Variants in MAP3K11 observed in about 807,000 individuals in gnomAD.
The protein encoded by MAP3K11 is SH3 domain-containing proline-rich kinase.
MAP3K11 carries 46 observed loss-of-function variants against 84.9 expected under a neutral mutation model. The ratio of observed to expected loss-of-function variants is 0.54; its 90% CI spans 0.43 to 0.69. MAP3K11 has a LOEUF of 0.69. Among genes scored for constraint, MAP3K11 ranks in the 30% least tolerant of loss-of-function variants. The pLI, the probability that MAP3K11 is intolerant of heterozygous loss-of-function variation, is 0.00. For missense variants in MAP3K11, 1,053 were observed against 1,198.3 expected, an observed-to-expected ratio of 0.88 and a Z score of 1.79; for synonymous variants, 527 against 514.7, an observed-to-expected ratio of 1.02 and a Z score of -0.32.
Position 65,598,554 on chromosome 11 carries a change from G to A in MAP3K11, c.2281C>T (p.Leu761=). 3.1e-6 allele frequency: 5 copies of A among 1,609,002 alleles called. No individual in the cohort carries two copies. Among genetic ancestry groups the A allele is most frequent in the East Asian group, 2.2e-5 (1 of 44,744 alleles). ...GTPGTPRSPP[L]GLISRPRPSP... ...GGCCGAGGTCGGCTGATGAGGCCCA[G>A]GGGTGGTGAACGTGGGGTGCCTGGG... is the stretch of plus-strand genomic sequence containing the variant. Residue 761 remains leucine (L), a synonymous_variant, in exon 10 of 10, where the codon CTG becomes TTG. Transcript: ENST00000309100.
chr11:65,599,461 C>A lies in MAP3K11; in HGVS notation c.2139G>T (p.Leu713Phe), dbSNP rs778522527. 6.6e-7 allele frequency: 1 copy of A among 1,516,612 alleles called. No homozygotes were observed. Among genetic ancestry groups the A allele is most frequent in the South Asian group, 1.3e-5 (1 of 77,774 alleles). 93.9% of individuals were successfully genotyped at this position (1,516,612 alleles called of 1,614,324 possible). A position where few individuals can be genotyped will look rare whatever the true frequency, so the allele number is the denominator to read the frequency against. Residue 713 changes from leucine (L) to phenylalanine (F), a missense_variant, in exon 9 of 10, where the codon TTG becomes TTT. This residue lies in a region of MAP3K11 where 583 missense variants were observed against 566.6 expected (regional missense o/e 1.03). Transcript: ENST00000309100. ...PDSPPTPAPL[L>F]LDLGIPVGQR... ...GGCCCACAGGGATACCCAGGTCCAG[C>A]AACAGGGGTGCAGGAGTGGGCGGGG...
chr11:65,598,226 C>T lies in MAP3K11; in HGVS notation c.*65G>A, dbSNP rs374018444. ...GCAGCTGCAGAGGCTGACCCAGCTC[C>T]TGTTCCAGTGTATGCTGTGACTCCT... On this transcript the variant is annotated 3_prime_UTR_variant, in exon 10 of 10. Transcript: ENST00000309100. 332 of 1,301,440 alleles carry T rather than the reference C, an allele frequency of 2.6e-4. 11 individuals are homozygous for T. In the East Asian group the frequency reaches 3.4e-3, roughly 13 times the overall value. 80.6% of individuals were successfully genotyped at this position (1,301,440 alleles called of 1,614,324 possible).
intron 9 of MAP3K11, 111 bp from the exon 10 acceptor site, chr11:65,598,739 G>T: frequency 1.3e-6 from 1 of 748,162 alleles, no homozygotes; most frequent in Non-Finnish European, 2.0e-6. Flanking sequence ...TGACCTACTT[G>T]ACTCAACTTC....
In MAP3K11 at chr11:65,606,056, T is replaced by A. The variant is rs898048249; in HGVS notation, c.1629A>T (p.Ala543=). The change falls in exon 7 of 10, where the codon GCA becomes GCT. Residue 543 remains alanine (A), a synonymous_variant. Coordinates refer to ENST00000309100, the MANE Select transcript of MAP3K11 (RefSeq NM_002419.4). ...GACGTCGGGGGGACTGGCGGCCCCA[T>A]GCCTGGCCTGGCTCTGCAGGCTCCA... ...IQLEPAEPGQ[A]WGRQSPRRLE... 1 of 1,585,206 alleles carries A rather than the reference T, an allele frequency of 6.3e-7. No individual in the cohort carries two copies. Among genetic ancestry groups the A allele is most frequent in the Non-Finnish European group, 8.6e-7 (1 of 1,168,176 alleles).
At chr11:65,609,010 A>T (rs1289924359) in intron 1 of MAP3K11, 2 of 154,694 alleles carry the variant, frequency 1.3e-5, no homozygotes, top group African/African-American at 4.8e-5. Context: ...CAGGGAAATG[A>T]CTTGGCAGAG....
Position 65,598,554 on chromosome 11 carries a change from G to C in MAP3K11, c.2281C>G (p.Leu761Val). The C allele has an allele frequency of 6.2e-7, 1 of 1,609,002 alleles. No homozygotes were observed. Among genetic ancestry groups the C allele is most frequent in the Non-Finnish European group, 8.5e-7 (1 of 1,177,452 alleles). ...GTPGTPRSPP[L>V]GLISRPRPSP... is the part of the protein sequence containing the mutation. ...GGCCGAGGTCGGCTGATGAGGCCCA[G>C]GGGTGGTGAACGTGGGGTGCCTGGG... Residue 761 changes from leucine (L) to valine (V), a missense_variant, in exon 10 of 10, where the codon CTG becomes GTG. By Grantham distance (32) the Leu-to-Val change is conservative. Coordinates refer to ENST00000309100, the MANE Select transcript of MAP3K11 (RefSeq NM_002419.4).
At position 65,606,025 on chromosome 11, in the gene MAP3K11, C is replaced by T; in HGVS notation, c.1660G>A (p.Asp554Asn). 6.3e-7 allele frequency: 1 copy of T among 1,597,812 alleles called. No individual in the cohort carries two copies. The highest frequency in any genetic ancestry group is 1.1e-5 in the South Asian group (1 of 89,694). ...WGRQSPRRLE[D>N]SSNGERRACW... ...GCTCGCCGCTCTCCATTGCTTGAGT[C>T]CTCCAGACGTCGGGGGGACTGGCGG... Residue 554 changes from aspartate to asparagine, a missense_variant, in exon 7 of 10, where the codon GAC becomes AAC. By Grantham distance (23) the Asp-to-Asn change is conservative. Transcript: ENST00000309100.
Position 65,599,733 on chromosome 11 carries a change from G to A in MAP3K11, c.1867C>T (p.Pro623Ser). 1 of 1,590,120 alleles carries A rather than the reference G, an allele frequency of 6.3e-7. No homozygotes were observed. Among genetic ancestry groups the A allele is most frequent in the East Asian group, 2.2e-5 (1 of 44,474 alleles). ...PPRPSLEPEE[P>S]KRPVPAERGS... ...CGCTCTGCGGGGACAGGCCTCTTGGGCTCCTCGGGCTCCAGGCTAGGCCGC... is the reference window on the plus strand; with the variant it reads ...CGCTCTGCGGGGACAGGCCTCTTGGACTCCTCGGGCTCCAGGCTAGGCCGC... The change falls in exon 9 of 10, where the codon CCC (proline) becomes TCC (serine). Residue 623 changes from proline (P) to serine (S), a missense_variant. This residue lies in a region of MAP3K11 where 583 missense variants were observed against 566.6 expected (regional missense o/e 1.03). Coordinates refer to ENST00000309100, the MANE Select transcript of MAP3K11 (RefSeq NM_002419.4).
intron 6 of MAP3K11, 83 bp from the exon 7 acceptor site, chr11:65,606,164 G>A (rs1414942989): frequency 3.4e-5 from 48 of 1,425,604 alleles, no homozygotes; most frequent in Non-Finnish European, 4.4e-5. Context: ...AAACTTTAGA[G>A]TATGGGGAGC....
Position 65,601,315 on chromosome 11 carries a change from T to A in MAP3K11, c.1832-1547A>T, listed in dbSNP as rs570738119. Among the ~76,000 whole-genome samples the A allele has an allele frequency of 1.5e-4, 23 of 152,330 alleles. No homozygotes were observed. In the East Asian group the frequency reaches 2.1e-3, roughly 14 times the overall value. On this transcript the variant is annotated intron_variant, in intron 8 of 9. Coordinates refer to ENST00000309100, the MANE Select transcript of MAP3K11 (RefSeq NM_002419.4). Reference sequence around the variant, plus strand: ...ACCAACTGGGATGTCACTTCCTCTGTGAAGCCCTCCCAGAATCTCCCTGAA... The same window carrying A: ...ACCAACTGGGATGTCACTTCCTCTGAGAAGCCCTCCCAGAATCTCCCTGAA...
rs756174920 is a variant in MAP3K11, at chr11:65,613,626, G to A, written c.131C>T (p.Pro44Leu). The A allele has an allele frequency of 1.9e-6, 3 of 1,612,984 alleles. No homozygotes were observed. The highest frequency in any genetic ancestry group is 2.5e-6 in the Non-Finnish European group (3 of 1,179,992). ...GTAGTCGAACAGGGCTGTCCACACC[G>A]GGTTGGCATAACCCGCTGCCTTTGG... The part of the protein sequence containing the change: ...GSPKAAGYAN[P>L]VWTALFDYEP... Residue 44 changes from proline (P) to leucine (L), a missense_variant, in exon 1 of 10, where the codon CCG (proline) becomes CTG (leucine). By Grantham distance (98) the Pro-to-Leu change is moderately conservative. This residue lies in a region of MAP3K11 where 160 missense variants were observed against 167.3 expected (regional missense o/e 0.96). Coordinates refer to ENST00000309100, the MANE Select transcript of MAP3K11 (RefSeq NM_002419.4).
In MAP3K11 at chr11:65,613,323, G is replaced by A; in HGVS notation, c.434C>T (p.Ala145Val). The change falls in exon 1 of 10, where the codon GCA becomes GTA. Residue 145 changes from alanine to valine, a missense_variant. By Grantham distance (64) the Ala-to-Val change is moderately conservative. This residue lies in a region of MAP3K11 where 310 missense variants were observed against 464.5 expected (regional missense o/e 0.67). Transcript: ENST00000309100. ...GTCCTCATCGGGGTCCTGGCGAGCTGCCTTCACAGCCACCAGCTCACCTCG... is the reference window on the plus strand; with the variant it reads ...GTCCTCATCGGGGTCCTGGCGAGCTACCTTCACAGCCACCAGCTCACCTCG... ...SWRGELVAVK[A>V]ARQDPDEDIS... 6.2e-7 allele frequency: 1 copy of A among 1,613,108 alleles called. No individual in the cohort carries two copies. Among genetic ancestry groups the A allele is most frequent in the Non-Finnish European group, 8.5e-7 (1 of 1,179,966 alleles).
intron 9 of MAP3K11, among the ~76,000 whole-genome samples, chr11:65,598,973 C>G (rs775998982): frequency 4.6e-5 from 7 of 152,142 alleles, no homozygotes; most frequent in Non-Finnish European, 7.3e-5. Context: ...CTCGGGAAAG[C>G]CTTGCAAACA....
intron 9 of MAP3K11, 43 bp from the exon 10 acceptor site, chr11:65,598,671 C>T: frequency 7.2e-7 from 1 of 1,389,640 alleles, no homozygotes; most frequent in Non-Finnish European, 9.6e-7. Context: ...CAACCCCCAA[C>T]TGCTGAGGTC....
intron 5 of MAP3K11, 177 bp downstream of exon 5, chr11:65,607,093 G>A: frequency 2.2e-6 from 2 of 921,298 alleles, no homozygotes; most frequent in Non-Finnish European, 3.0e-6. Context: ...AAATACTTCC[G>A]CCAGAACCCG....
At chr11:65,606,929 G>C (rs113324277) in intron 5 of MAP3K11, 125 bp from the exon 6 acceptor site, 1 of 639,850 alleles carries the variant, frequency 1.6e-6, no homozygotes. Context: ...CTGTGAGACT[G>C]TGACCAGCCT....
rs1354907887 is a variant in MAP3K11, at chr11:65,607,668, G to A, written c.1218C>T (p.Leu406=). Residue 406 remains leucine, a synonymous_variant, in exon 4 of 10, where the codon CTC becomes CTT. Transcript: ENST00000309100. ...TTTCCTTGGCTCGCAGCTCGTCGAA[G>A]AGACCCTGGATCTCGCGCTTCCAGC... The part of the protein sequence containing the change: ...QEGWKREIQG[L]FDELRAKEKE... The A allele has an allele frequency of 3.1e-6, 5 of 1,610,824 alleles. No homozygotes were observed. The highest frequency in any genetic ancestry group is 4.2e-6 in the Non-Finnish European group (5 of 1,177,628).
chr11:65,607,062 C>G, intron 5 of MAP3K11: 2 of 775,114 alleles, frequency 2.6e-6, no homozygotes, highest in Non-Finnish European at 3.8e-6. Flanking sequence ...CCCACCCCTT[C>G]CCACTCCCAG....
chr11:65,602,290 T>C (rs1208223031), intron 8 of MAP3K11, among the ~76,000 whole-genome samples: 1 of 150,054 alleles, frequency 6.7e-6, no homozygotes, highest in Non-Finnish European at 1.5e-5. Flanking sequence ...GTAGGGCAGA[T>C]CACTTGAGGT....
Sources: gnomAD v4.1 joint callset for allele counts (sites outside exome capture counted in the v4.1 genomes callset) on GRCh38, gnomAD v4.1.1 for gene constraint, gnomAD v4.1.1 regional missense constraint, MANE v1.5 for transcripts, NCBI Gene and HGNC (gene_info 2026-07-23, HGNC 2026-07-21) for gene names.